Variants in CYTH1 observed in about 807,000 individuals in gnomAD.
The protein encoded by CYTH1 is cytohesin 1, also known as cytohesin-1.
CYTH1 carries 18 observed loss-of-function variants against 61.8 expected under a neutral mutation model. That is an observed-to-expected ratio of 0.29 (90% CI 0.20 to 0.43). The LOEUF (loss-of-function observed/expected upper bound fraction) is 0.43. Among genes scored for constraint, CYTH1 ranks in the 20% least tolerant of loss-of-function variants. The pLI is 1.00. For synonymous variants in CYTH1, 174 were observed against 184.3 expected (o/e 0.94, Z 0.45); for missense variants, 336 against 510.5 (o/e 0.66, Z 3.29).
At position 78,738,818 on chromosome 17, in the gene CYTH1, T is replaced by A. The variant is rs548680104; in HGVS notation, c.23-29086A>T. On this transcript the variant is annotated intron_variant, in intron 1 of 13. Transcript: ENST00000446868. Reference sequence around the variant, plus strand: ...ATTCACAGCCAGTGATCCCAACTTGTAAGAGGGCAGGTCACTTCTATTTTC... The same window carrying A: ...ATTCACAGCCAGTGATCCCAACTTGAAAGAGGGCAGGTCACTTCTATTTTC... Among the ~76,000 whole-genome samples the A allele has an allele frequency of 9.2e-5, 14 of 152,290 alleles. 1 individual carries two copies. The South Asian group carries it at 2.9e-3, about 32-fold the overall frequency.
At chr17:78,761,222 T>A (rs1000199455) in intron 1 of CYTH1, among the ~76,000 whole-genome samples, 1 of 152,190 alleles carries the variant, frequency 6.6e-6, no homozygotes, top group Non-Finnish European at 1.5e-5. Flanking sequence ...TTCCCCACCT[T>A]CTGAGTCCCA....
intron 1 of CYTH1, among the ~76,000 whole-genome samples, chr17:78,775,614 C>G (rs960017529): frequency 6.6e-6 from 1 of 152,112 alleles, no homozygotes; most frequent in African/African-American, 2.4e-5. Context: ...AATCTGGGAA[C>G]TCAATGTAAA....
intron 13 of CYTH1, chr17:78,676,806 G>A (rs371808331): frequency 6.4e-5 from 23 of 359,916 alleles, no homozygotes; most frequent in South Asian, 3.3e-4. Context: ...AGCGCAGGCC[G>A]CGCCGCGGGC....
At chr17:78,739,346 C>A (rs1048133601) in intron 1 of CYTH1, among the ~76,000 whole-genome samples, 1 of 152,198 alleles carries the variant, frequency 6.6e-6, no homozygotes, top group African/African-American at 2.4e-5. Flanking sequence ...TGCCTGCCCT[C>A]GTGGCGTCTC....
chr17:78,766,664 A>G (rs778304242), intron 1 of CYTH1, among the ~76,000 whole-genome samples: 6 of 152,232 alleles, frequency 3.9e-5, no homozygotes, highest in Admixed American at 1.3e-4. Context: ...ACTCTGTCCA[A>G]ACTATATCAA....
At chr17:78,778,595 G>C (rs376326375) in intron 1 of CYTH1, among the ~76,000 whole-genome samples, 9 of 135,324 alleles carry the variant, frequency 6.7e-5, no homozygotes, top group Admixed American at 1.7e-4. Flanking sequence ...CCAAGATTGC[G>C]TCACTGCATT....
chr17:78,709,789 AAGATCC>A (rs2093109239), intron 1 of CYTH1, 57 bp from the exon 2 acceptor site: 5 of 1,547,262 alleles, frequency 3.2e-6, no homozygotes, highest in Non-Finnish European at 4.5e-6. Flanking sequence ...AAAATCAAGG[AAGATCC>A]AGAGGCCACA....
chr17:78,722,472 A>T (rs7219351), intron 1 of CYTH1, among the ~76,000 whole-genome samples: 10,137 of 152,046 alleles, frequency 0.067, 623 homozygotes, highest in East Asian at 0.19. Context: ...ACAAGCCAAA[A>T]CAGCTTGCTC....
chr17:78,701,522 G>A, intron 6 of CYTH1, 149 bp downstream of exon 6: 1 of 744,214 alleles, frequency 1.3e-6, no homozygotes, highest in Non-Finnish European at 2.3e-6. Flanking sequence ...CCCAGTCAGA[G>A]ACCAATAGAT....
intron 1 of CYTH1, among the ~76,000 whole-genome samples, chr17:78,748,139 G>A (rs1325608495): frequency 1.3e-5 from 2 of 152,106 alleles, no homozygotes; most frequent in Non-Finnish European, 2.9e-5. Context: ...GTCCGCCACT[G>A]CACCCCACAC....
chr17:78,698,919 C>T lies in CYTH1; in HGVS notation c.600G>A (p.Leu200=). ...GCTTATCTTTGACATTGGGGTTGTG[C>T]AGACTGGTGTTCAACATGATGATGG... ...SFAIIMLNTS[L]HNPNVKDKPT... The change falls in exon 8 of 14, where the codon CTG becomes CTA. Residue 200 remains leucine, a synonymous_variant. Coordinates refer to ENST00000446868, the MANE Select transcript of CYTH1 (RefSeq NM_004762.6). 6.2e-7 allele frequency: 1 copy of T among 1,612,020 alleles called. No individual in the cohort carries two copies. Among genetic ancestry groups the T allele is most frequent in the Non-Finnish European group, 8.5e-7 (1 of 1,179,284 alleles).
chr17:78,751,638 G>GA (rs1327539323), intron 1 of CYTH1, among the ~76,000 whole-genome samples: 8 of 152,164 alleles, frequency 5.3e-5, no homozygotes, highest in Non-Finnish European at 1.0e-4. Flanking sequence ...AAATGACCAC[G>GA]AAAGGACTAC....
chr17:78,758,737 A>G (rs1456253209), intron 1 of CYTH1, among the ~76,000 whole-genome samples: 1 of 151,968 alleles, frequency 6.6e-6, no homozygotes, highest in African/African-American at 2.4e-5. Context: ...AAGAAAGAAA[A>G]AAAGAAAGGA....
intron 1 of CYTH1, among the ~76,000 whole-genome samples, chr17:78,751,908 G>T (rs2093381839): frequency 6.6e-6 from 1 of 152,066 alleles, no homozygotes; most frequent in Non-Finnish European, 1.5e-5. Context: ...TAATTGTTTT[G>T]TATTTTTAGT....
chr17:78,711,301 TA>T lies in CYTH1; in HGVS notation c.23-1570del, dbSNP rs1555608830. Reference sequence around the variant, plus strand: ...ATAAATAAATAAATAAATAAATAAATAATATATATATATACACACACACACA... The same window carrying T: ...ATAAATAAATAAATAAATAAATAAATATATATATATATACACACACACACA... On this transcript the variant is annotated intron_variant, in intron 1 of 13. Transcript: ENST00000446868. Among the ~76,000 whole-genome samples, 642 of 102,714 alleles carry T rather than the reference TA, an allele frequency of 6.3e-3. 4 individuals carry two copies. The highest frequency in any genetic ancestry group is 0.016 in the African/African-American group (467 of 29,802). 67.4% of individuals were successfully genotyped at this position (102,714 alleles called of 152,430 possible). A position where few individuals can be genotyped will look rare whatever the true frequency, so the allele number is the denominator to read the frequency against.
rs1040459558 is a variant in CYTH1, at chr17:78,680,980, G to T, written c.954C>A (p.Ser318=). 6.2e-7 allele frequency: 1 copy of T among 1,613,680 alleles called. No individual in the cohort carries two copies. The highest frequency in any genetic ancestry group is 8.5e-7 in the Non-Finnish European group (1 of 1,179,872). ...CAGCAAAAATACTCACTGGTTTTTT[G>T]GAGTCCTCCACTTCCCGGATACTCA... The part of the protein sequence containing the change: ...ENLSIREVED[S]KKPNCFELYI... The change falls in exon 12 of 14, where the codon TCC becomes TCA. Residue 318 remains serine (S), a synonymous_variant. Transcript: ENST00000446868.
chr17:78,782,160 G>T, intron 1 of CYTH1, 42 bp downstream of exon 1: 1 of 1,346,210 alleles, frequency 7.4e-7, no homozygotes, highest in Non-Finnish European at 9.7e-7. Context: ...AGGGGACTGG[G>T]GGACAGCGAG....
chr17:78,781,920 C>T (rs1048158986), intron 1 of CYTH1, among the ~76,000 whole-genome samples: 3 of 151,540 alleles, frequency 2.0e-5, no homozygotes, highest in African/African-American at 4.8e-5. Context: ...ACCCCTGGCC[C>T]CGCGAGACCG....
intron 7 of CYTH1, among the ~76,000 whole-genome samples, chr17:78,699,237 G>A (rs765721032): frequency 5.9e-5 from 9 of 151,988 alleles, no homozygotes; most frequent in African/African-American, 9.7e-5. Flanking sequence ...GGCTGCACGC[G>A]CCTGTAATCC....
Sources: allele counts gnomAD v4.1 joint callset (sites outside exome capture counted in the v4.1 genomes callset), GRCh38; gene constraint gnomAD v4.1.1; transcripts MANE v1.5; gene names NCBI Gene and HGNC (gene_info 2026-07-23, HGNC 2026-07-21).